The following HDAC1 variants were observed in gnomAD, a reference collection of about 807,000 sequenced individuals.
The protein encoded by HDAC1 is protein deacetylase HDAC1.
HDAC1 carries 18 observed loss-of-function variants against 65.5 expected under a neutral mutation model. The ratio of observed to expected loss-of-function variants is 0.27; its 90% CI spans 0.19 to 0.41. The LOEUF (loss-of-function observed/expected upper bound fraction) is 0.41, where lower values mean the gene tolerates loss of function less well. Among genes scored for constraint, HDAC1 ranks in the 10% least tolerant of loss-of-function variants. The pLI is 1.00. For missense variants in HDAC1, 373 were observed against 625.2 expected, an observed-to-expected ratio of 0.60 and a Z score of 4.30; for synonymous variants, 211 against 227.9, an observed-to-expected ratio of 0.93 and a Z score of 0.67.
At chr1:32,313,955 A>G (rs1388419226) in intron 2 of HDAC1, among the ~76,000 whole-genome samples, 1 of 152,208 alleles carries the variant, frequency 6.6e-6, no homozygotes, top group Non-Finnish European at 1.5e-5. Flanking sequence ...TTGAATTCAA[A>G]TTATTGTCAA....
rs2148065250 is a variant in HDAC1, at chr1:32,316,676, A to G, written c.174A>G (p.Lys58=). The G allele has an allele frequency of 6.2e-7, 1 of 1,611,906 alleles. No individual in the cohort carries two copies. The highest frequency in any genetic ancestry group is 1.1e-5 in the South Asian group (1 of 91,038). The change falls in exon 3 of 14, where the codon AAA becomes AAG. Residue 58 remains lysine, a synonymous_variant. Transcript: ENST00000373548. ...CTTCTGCCCTCTAGCGCCCTCACAA[A>G]GCCAATGCTGAGGAGATGACCAAGT... ...YRKMEIYRPH[K]ANAEEMTKYH... is the part of the protein sequence containing the mutation.
Position 32,327,088 on chromosome 1 carries a change from C to T in HDAC1, c.494+11C>T, listed in dbSNP as rs768068858. 2 of 1,613,676 alleles carry T rather than the reference C, an allele frequency of 1.2e-6. No individual in the cohort carries two copies. Among genetic ancestry groups the T allele is most frequent in the East Asian group, 4.5e-5 (2 of 44,886 alleles). ...CCTGGAACTGCTAAAGTATGCCTGC[C>T]TGGCCTTGTCTCTTGGAAGAGCACC... On this transcript the variant is annotated intron_variant, in intron 5 of 13. Coordinates refer to ENST00000373548, the MANE Select transcript of HDAC1 (RefSeq NM_004964.3). This position sits in a 1 kb window ranked among gnomAD's most constrained non-coding sequence, Gnocchi z 6.0.
At chr1:32,303,207 G>GTCATCC (rs1300931523) in intron 2 of HDAC1, among the ~76,000 whole-genome samples, 1 of 152,124 alleles carries the variant, frequency 6.6e-6, no homozygotes, top group Non-Finnish European at 1.5e-5. Flanking sequence ...GCTCATGCCT[G>GTCATCC]TCATCCTAGC....
At chr1:32,328,274 C>T (rs1036927750) in intron 6 of HDAC1, among the ~76,000 whole-genome samples, 1 of 151,828 alleles carries the variant, frequency 6.6e-6, no homozygotes, top group Non-Finnish European at 1.5e-5. Flanking sequence ...GGCACTAATT[C>T]AGTTGTTTGC....
At chr1:32,319,113 C>T (rs962418338) in intron 3 of HDAC1, among the ~76,000 whole-genome samples, 10 of 151,258 alleles carry the variant, frequency 6.6e-5, no homozygotes, top group African/African-American at 1.5e-4. Context: ...AGCGAGACTC[C>T]GTCTCAAAAA....
intron 2 of HDAC1, among the ~76,000 whole-genome samples, chr1:32,309,103 C>T (rs900558383): frequency 1.3e-5 from 2 of 152,200 alleles, no homozygotes; most frequent in Non-Finnish European, 2.9e-5. Context: ...TGAGCCACCA[C>T]GCCCAGCCAA....
chr1:32,322,988 T>A (rs186676420), intron 3 of HDAC1, among the ~76,000 whole-genome samples: 1 of 152,288 alleles, frequency 6.6e-6, no homozygotes, highest in Admixed American at 6.5e-5. Flanking sequence ...AGGGCCGGGA[T>A]ATATTTTCAC....
chr1:32,309,680 C>CAAAA (rs560312057), intron 2 of HDAC1, among the ~76,000 whole-genome samples: 15 of 50,828 alleles, frequency 3.0e-4, no homozygotes, highest in East Asian at 5.9e-4. Context: ...GAGCGAGTCT[C>CAAAA]AAAAAAAAAA....
intron 3 of HDAC1, among the ~76,000 whole-genome samples, chr1:32,320,301 G>A (rs968689015): frequency 1.3e-5 from 2 of 151,750 alleles, no homozygotes; most frequent in Non-Finnish European, 2.9e-5. Context: ...TGATAAGATC[G>A]AGTAAATCAG....
At chr1:32,313,978 A>G (rs1388729642) in intron 2 of HDAC1, among the ~76,000 whole-genome samples, 1 of 152,248 alleles carries the variant, frequency 6.6e-6, no homozygotes, top group East Asian at 1.9e-4. Context: ...AAAAATTCAT[A>G]AAGTAGACAA....
Position 32,292,175 on chromosome 1 carries a change from G to C in HDAC1, c.6G>C (p.Ala2=). ...AGGGACGGGAGGCGAGCAAGATGGC[G>C]CAGACGCAGGGCACCCGGAGGAAAG... M[A]QTQGTRRKVC... The change falls in exon 1 of 14, where the codon GCG becomes GCC. Residue 2 remains alanine, a synonymous_variant. Transcript: ENST00000373548. The C allele has an allele frequency of 6.5e-7, 1 of 1,548,542 alleles. No individual in the cohort carries two copies. Among genetic ancestry groups the C allele is most frequent in the South Asian group, 1.2e-5 (1 of 83,976 alleles).
chr1:32,324,767 A>G (rs188006203), intron 4 of HDAC1, among the ~76,000 whole-genome samples: 8 of 152,244 alleles, frequency 5.3e-5, no homozygotes, highest in Non-Finnish European at 1.0e-4. Context: ...TCAGGAGTTC[A>G]AGACCAGCCC....
intron 12 of HDAC1, 118 bp from the exon 13 acceptor site, chr1:32,332,583 T>C (rs1557614137): frequency 2.1e-5 from 16 of 767,494 alleles, no homozygotes; most frequent in East Asian, 5.4e-5. Flanking sequence ...GGATGGGCTT[T>C]TCTCTCTTTA....
chr1:32,322,560 C>T (rs577024106), intron 3 of HDAC1, among the ~76,000 whole-genome samples: 6 of 152,150 alleles, frequency 3.9e-5, no homozygotes, highest in Non-Finnish European at 5.9e-5. Flanking sequence ...TGAGCCACCG[C>T]GCCCGGCCAG....
chr1:32,312,833 G>A (rs745780542), intron 2 of HDAC1, among the ~76,000 whole-genome samples: 8 of 151,854 alleles, frequency 5.3e-5, no homozygotes, highest in East Asian at 3.9e-4. Flanking sequence ...CTGCCACCAC[G>A]CCCAGCTAAT....
chr1:32,332,302 G>A (rs995534102), intron 12 of HDAC1, 60 bp downstream of exon 12: 29 of 1,501,648 alleles, frequency 1.9e-5, no homozygotes, highest in East Asian at 2.3e-5. Flanking sequence ...TCTATGTAGG[G>A]CAGTGGGAGG....
intron 1 of HDAC1, among the ~76,000 whole-genome samples, chr1:32,300,536 C>T (rs1017788365): frequency 2.0e-5 from 3 of 150,964 alleles, no homozygotes; most frequent in African/African-American, 4.9e-5. Context: ...CCAGCCTAGG[C>T]GACAGAGTGA....
At chr1:32,325,990 GC>G (rs1168484308) in intron 4 of HDAC1, among the ~76,000 whole-genome samples, 1 of 151,852 alleles carries the variant, frequency 6.6e-6, no homozygotes, top group Non-Finnish European at 1.5e-5. Context: ...TCGCGCCACT[GC>G]ACTTCAGCCT....
Position 32,331,637 on chromosome 1 carries a change from CCT to C in HDAC1, c.1089-38_1089-37del. ...TGAACATTCCTGACTTTGGTTTGTC[CCT>C]GACCAGAGCCCTGCTACTCTCTCCC... On this transcript the variant is annotated intron_variant, in intron 10 of 13. Transcript: ENST00000373548. This position sits in a 1 kb window ranked among gnomAD's most constrained non-coding sequence, Gnocchi z 4.2. The C allele has an allele frequency of 6.2e-7, 1 of 1,613,524 alleles. No individual in the cohort carries two copies. Among genetic ancestry groups the C allele is most frequent in the Non-Finnish European group, 8.5e-7 (1 of 1,179,626 alleles).
Sources: gnomAD v4.1 joint callset for allele counts (sites outside exome capture counted in the v4.1 genomes callset) on GRCh38, gnomAD v4.1.1 for gene constraint, Gnocchi (gnomAD v3.1) non-coding constraint, MANE v1.5 for transcripts, NCBI Gene and HGNC (gene_info 2026-07-23, HGNC 2026-07-21) for gene names.